Variants in LRRC37A2 observed in about 807,000 individuals in gnomAD.
LRRC37A2 encodes leucine-rich repeat-containing protein 37A2.
In LRRC37A2, 9 loss-of-function variants were observed where a neutral mutation model predicts 68.8. That is an observed-to-expected ratio of 0.13 (90% CI 0.08 to 0.23). The LOEUF is 0.23. LRRC37A2 is among the 10% of genes least tolerant of loss of function. The pLI, the probability that LRRC37A2 is intolerant of heterozygous loss-of-function variation, is 1.00. For synonymous variants in LRRC37A2, 63 were observed against 367.6 expected, an observed-to-expected ratio of 0.17 and a Z score of 9.48; for missense variants, 168 against 950.4, an observed-to-expected ratio of 0.18 and a Z score of 10.82.
chr17:46,818,356 C>T, the LRRC37A2 span, among the ~76,000 whole-genome samples: 2 of 136,148 alleles, frequency 1.5e-5, no homozygotes, highest in African/African-American at 5.6e-5. Flanking sequence ...ATTCTGAAGG[C>T]GACACCAGCA....
the LRRC37A2 span, among the ~76,000 whole-genome samples, chr17:46,896,450 G>A: frequency 0.16 from 8,426 of 52,490 alleles, 412 homozygotes; most frequent in Non-Finnish European, 0.25. Flanking sequence ...AAGAAAGAAA[G>A]AAAAAGAAAG....
the LRRC37A2 span, among the ~76,000 whole-genome samples, chr17:46,953,293 C>G: frequency 1.3e-5 from 2 of 151,846 alleles, no homozygotes; most frequent in East Asian, 3.9e-4. Flanking sequence ...TGAGAACATG[C>G]AGTGTTTGGT....
chr17:46,901,988 A>C, the LRRC37A2 span, among the ~76,000 whole-genome samples: 3 of 152,052 alleles, frequency 2.0e-5, no homozygotes, highest in African/African-American at 4.8e-5. Flanking sequence ...TTGTATTTTT[A>C]GTAGAGACAG....
At chr17:46,794,421 G>A in the LRRC37A2 span, among the ~76,000 whole-genome samples, 1 of 152,168 alleles carries the variant, frequency 6.6e-6, no homozygotes, top group African/African-American at 2.4e-5. Context: ...AGAGCTAGAA[G>A]GAGCCTTGGG....
chr17:46,996,786 C>G, the LRRC37A2 span, among the ~76,000 whole-genome samples: 1 of 152,222 alleles, frequency 6.6e-6, no homozygotes, highest in African/African-American at 2.4e-5. Flanking sequence ...GCTGGGATGA[C>G]AGGCATGAGC....
the LRRC37A2 span, among the ~76,000 whole-genome samples, chr17:46,896,442 GA>G: frequency 1.2e-3 from 84 of 69,560 alleles, 1 homozygote; most frequent in African/African-American, 9.6e-3. Flanking sequence ...AAGAAAGAAA[GA>G]AAGAAAGAAA....
chr17:46,948,252 A>G, the LRRC37A2 span, among the ~76,000 whole-genome samples: 1 of 152,226 alleles, frequency 6.6e-6, no homozygotes. Flanking sequence ...AGCTGTGGCC[A>G]GTGCATACTG....
the LRRC37A2 span, among the ~76,000 whole-genome samples, chr17:46,852,882 G>A: frequency 6.6e-6 from 1 of 152,108 alleles, no homozygotes; most frequent in Admixed American, 6.5e-5. Context: ...AAGGGCTGTG[G>A]GCTAATTTCC....
the LRRC37A2 span, among the ~76,000 whole-genome samples, chr17:46,575,641 CAT>C: frequency 3.1e-5 from 3 of 97,914 alleles, no homozygotes; most frequent in Admixed American, 1.0e-4. Flanking sequence ...CATGTGTTCA[CAT>C]GTCTCCCTTG....
At chr17:46,832,404 G>C in the LRRC37A2 span, among the ~76,000 whole-genome samples, 1 of 140,686 alleles carries the variant, frequency 7.1e-6, no homozygotes, top group Non-Finnish European at 1.6e-5. Context: ...AAAGAGAGAG[G>C]GGGGTGGTGG....
chr17:46,914,155 T>G, the LRRC37A2 span, among the ~76,000 whole-genome samples: 1 of 152,070 alleles, frequency 6.6e-6, no homozygotes, highest in African/African-American at 2.4e-5. Context: ...CTCGATGCAC[T>G]CTCATATTTT....
At chr17:46,769,612 G>A in the LRRC37A2 span, among the ~76,000 whole-genome samples, 1 of 152,262 alleles carries the variant, frequency 6.6e-6, no homozygotes, top group Admixed American at 6.5e-5. Flanking sequence ...AGGAAGGAGG[G>A]TGGACAGACG....
the LRRC37A2 span, among the ~76,000 whole-genome samples, chr17:46,983,110 G>T: frequency 1.3e-5 from 2 of 152,094 alleles, no homozygotes; most frequent in Non-Finnish European, 2.9e-5. Context: ...GGGGTTGTTC[G>T]TTGGCTTCCT....
chr17:46,707,372 A>T, the LRRC37A2 span, among the ~76,000 whole-genome samples: 2 of 151,968 alleles, frequency 1.3e-5, no homozygotes, highest in East Asian at 1.9e-4. Context: ...TCAATTTTGT[A>T]TTGTGTTAAA....
the LRRC37A2 span, among the ~76,000 whole-genome samples, chr17:46,970,703 C>T: frequency 2.0e-5 from 3 of 152,128 alleles, no homozygotes; most frequent in African/African-American, 7.2e-5. Context: ...GGCTCAGAGA[C>T]CCGGAAACAG....
chr17:46,962,979 A>G, the LRRC37A2 span, among the ~76,000 whole-genome samples: 2 of 152,236 alleles, frequency 1.3e-5, no homozygotes, highest in African/African-American at 4.8e-5. Context: ...CTCCCATTTT[A>G]TAAATGAAGA....
At chr17:46,940,428 T>C in the LRRC37A2 span, 19 of 1,600,696 alleles carry the variant, frequency 1.2e-5, no homozygotes, top group East Asian at 3.8e-4. Flanking sequence ...TGTCTAACTC[T>C]GGGGAGGCAC....
At chr17:46,827,197 C>T in the LRRC37A2 span, among the ~76,000 whole-genome samples, 1 of 152,134 alleles carries the variant, frequency 6.6e-6, no homozygotes, top group African/African-American at 2.4e-5. Context: ...GGTCTTTACT[C>T]CTCCCCTACC....
chr17:47,045,133 A>C, the LRRC37A2 span, among the ~76,000 whole-genome samples: 10 of 127,390 alleles, frequency 7.8e-5, no homozygotes, highest in East Asian at 2.3e-4. Context: ...CAAAGGAATA[A>C]TACTAGTCAC....
Sources: gnomAD v4.1 joint callset for allele counts (sites outside exome capture counted in the v4.1 genomes callset) on GRCh38, gnomAD v4.1.1 for gene constraint, MANE v1.5 for transcripts, NCBI Gene and HGNC (gene_info 2026-07-23, HGNC 2026-07-21) for gene names.